Variants in ATP2A3 observed in about 807,000 individuals in gnomAD.
ATP2A3 encodes ATPase sarcoplasmic/endoplasmic reticulum Ca2+ transporting 3, also known as sarcoplasmic/endoplasmic reticulum calcium ATPase 3.
Under a neutral mutation model 106.8 loss-of-function variants are expected in ATP2A3, and 61 were observed. That is an observed-to-expected ratio of 0.57 (90% CI 0.46 to 0.71). The LOEUF (loss-of-function observed/expected upper bound fraction) is 0.71, where lower values mean the gene tolerates loss of function less well. ATP2A3 is among the 30% of genes least tolerant of loss of function. ATP2A3 has a pLI of 0.00. For synonymous variants in ATP2A3, 611 were observed against 609.3 expected, an observed-to-expected ratio of 1.00 and a Z score of -0.04; for missense variants, 1,201 against 1,423.5, an observed-to-expected ratio of 0.84 and a Z score of 2.52.
Position 3,955,614 on chromosome 17 carries a change from C to T in ATP2A3, c.119-1904G>A, listed in dbSNP as rs1169342560. On this transcript the variant is annotated intron_variant, in intron 1 of 20. Transcript: ENST00000397041. The surrounding 1 kb of genome is among the most constrained non-coding windows in gnomAD (Gnocchi z 4.2). ...ATTCTCCAATGGAGCAGTGTGCTTT[C>T]GAGGTCACCCCAGCCATGCCCCAGC... Among the ~76,000 whole-genome samples the T allele has an allele frequency of 1.3e-5, 2 of 152,178 alleles. No homozygotes were observed. The highest frequency in any genetic ancestry group is 2.4e-5 in the African/African-American group (1 of 41,444).
At chr17:3,959,328 T>TGACCAGTTGTCAGTATTAGG (rs2055005921) in intron 1 of ATP2A3, among the ~76,000 whole-genome samples, 1 of 152,336 alleles carries the variant, frequency 6.6e-6, no homozygotes, top group Admixed American at 6.5e-5. Context: ...TGCCCTTCTC[T>TGACCAGTTGTCAGTATTAGG]GACCAGTTGT....
intron 9 of ATP2A3, 27 bp from the exon 10 acceptor site, chr17:3,944,833 G>A: frequency 1.9e-6 from 3 of 1,589,774 alleles, no homozygotes; most frequent in Non-Finnish European, 2.6e-6. Flanking sequence ...GTCACCAGGA[G>A]GACCTCGGCT....
rs2053739486 is a variant in ATP2A3, at chr17:3,941,087, T to TGAGGTCATCAAACTCGCGGCC, written c.1963_1983dup (p.Gly655_Leu661dup). On this transcript the variant is annotated inframe_insertion, in exon 14 of 21. Transcript: ENST00000397041. The stretch of plus-strand genomic sequence containing the variant: ...CAGGCCTGGCGCTGCTGCTCGGGGC[T>TGAGGTCATCAAACTCGCGGCC]GAGGTCATCAAACTCGCGGCCCGTG... 6.2e-7 allele frequency: 1 copy of TGAGGTCATCAAACTCGCGGCC among 1,613,778 alleles called. No homozygotes were observed. Among genetic ancestry groups the TGAGGTCATCAAACTCGCGGCC allele is most frequent in the African/African-American group, 1.3e-5 (1 of 74,932 alleles).
At position 3,940,031 on chromosome 17, in the gene ATP2A3, C is replaced by CTTTTTTTTTTTTTTTTTTTTTTTT. The variant is rs1174008086; in HGVS notation, c.2100+939_2100+940insAAAAAAAAAAAAAAAAAAAAAAAA. ...ATGGGTTGATGGTAATGTGTCATAT[C>CTTTTTTTTTTTTTTTTTTTTTTTT]TTTTTTTTTTTGTTTTTTGTTTTTT... On this transcript the variant is annotated intron_variant, in intron 14 of 20. Transcript: ENST00000397041. Among the ~76,000 whole-genome samples the CTTTTTTTTTTTTTTTTTTTTTTTT allele has an allele frequency of 2.1e-5, 2 of 96,546 alleles. 1 individual carries two copies. The highest frequency in any genetic ancestry group is 9.5e-5 in the African/African-American group (2 of 21,126). 63.3% of individuals were successfully genotyped at this position (96,546 alleles called of 152,430 possible).
Position 3,928,813 on chromosome 17 carries a change from G to C in ATP2A3, c.2863-33C>G. The C allele has an allele frequency of 6.6e-7, 1 of 1,513,814 alleles. No homozygotes were observed. The highest frequency in any genetic ancestry group is 9.0e-7 in the Non-Finnish European group (1 of 1,113,392). The allele number at this position is 1,513,814 out of a possible 1,614,324, so 93.8% of individuals were successfully genotyped here. A position where few individuals can be genotyped will look rare whatever the true frequency, so the allele number is the denominator to read the frequency against. ...GGAGGGGAAGGGAGGTTTGGTTAAA[G>C]GAAGGACTGGCTGTCCCGTGCCCCA... is the stretch of plus-strand genomic sequence containing the variant. On this transcript the variant is annotated intron_variant, in intron 19 of 20. Transcript: ENST00000397041. This position sits in a 1 kb window ranked among gnomAD's most constrained non-coding sequence, Gnocchi z 6.1.
intron 1 of ATP2A3, among the ~76,000 whole-genome samples, chr17:3,960,639 A>G (rs1237472081): frequency 6.6e-6 from 1 of 152,206 alleles, no homozygotes; most frequent in African/African-American, 2.4e-5. Context: ...ATATGAAAAG[A>G]CACCCAATGT....
At chr17:3,951,525 A>G in intron 4 of ATP2A3, 56 bp downstream of exon 4, 1 of 1,554,538 alleles carries the variant, frequency 6.4e-7, no homozygotes, top group Non-Finnish European at 8.7e-7. Context: ...GGTGGAGGGC[A>G]CTCCTAGTGG....
At chr17:3,935,064 G>A (rs1337414675) in intron 17 of ATP2A3, 128 bp downstream of exon 17, 2 of 1,004,992 alleles carry the variant, frequency 2.0e-6, no homozygotes, top group East Asian at 5.1e-5. Flanking sequence ...AGGTGGGGAT[G>A]TTTATTCGTG....
intron 7 of ATP2A3, among the ~76,000 whole-genome samples, chr17:3,949,849 G>A (rs999864221): frequency 1.3e-5 from 2 of 152,068 alleles, no homozygotes; most frequent in Non-Finnish European, 2.9e-5. Context: ...GTTCTTCCCC[G>A]TAGGACTTTA....
In ATP2A3 at chr17:3,953,785, T is replaced by G. The variant is rs1372829502; in HGVS notation, c.119-75A>C. On this transcript the variant is annotated intron_variant, in intron 1 of 20. Transcript: ENST00000397041. The surrounding 1 kb of genome is among the most constrained non-coding windows in gnomAD (Gnocchi z 5.1). ...GGGTCACGCAGGGGCCTCGGGGGAG[T>G]CTGGCAGTGCCTCCCCACCGTGCCC... 4.7e-6 allele frequency: 7 copies of G among 1,497,208 alleles called. No homozygotes were observed. The highest frequency in any genetic ancestry group is 6.4e-6 in the Non-Finnish European group (7 of 1,098,746). The allele number at this position is 1,497,208 out of a possible 1,614,324, so 92.7% of individuals were successfully genotyped here.
intron 16 of ATP2A3, 35 bp from the exon 17 acceptor site, chr17:3,935,312 G>A (rs762671524): frequency 6.3e-7 from 1 of 1,594,400 alleles, no homozygotes; most frequent in South Asian, 1.1e-5. Context: ...TGTAGAGAAT[G>A]GCGGTGGTTT....
At chr17:3,931,927 T>A (rs964424555) in intron 17 of ATP2A3, among the ~76,000 whole-genome samples, 4 of 152,326 alleles carry the variant, frequency 2.6e-5, no homozygotes, top group East Asian at 1.9e-4. Flanking sequence ...GTCGCATAAA[T>A]ACATCCGTTT....
At chr17:3,962,168 C>T (rs1039352744) in intron 1 of ATP2A3, among the ~76,000 whole-genome samples, 1 of 152,186 alleles carries the variant, frequency 6.6e-6, no homozygotes, top group Non-Finnish European at 1.5e-5. Flanking sequence ...ACGCCCACAC[C>T]AGGGTTCTGC....
rs770517233 is a variant in ATP2A3, at chr17:3,937,566, G to A, written c.2171C>T (p.Thr724Met). The A allele has an allele frequency of 1.7e-5, 28 of 1,613,988 alleles. No homozygotes were observed. The highest frequency in any genetic ancestry group is 2.0e-5 in the Non-Finnish European group (24 of 1,180,036). The change falls in exon 15 of 21, where the codon ACG becomes ATG. Residue 724 changes from threonine to methionine, a missense_variant. By Grantham distance (81) the Thr-to-Met change is moderately conservative. Around this residue, in one of 2 missense-constraint regions of ATP2A3, gnomAD observed 935 missense variants for 1,176.7 expected, o/e 0.79. Coordinates refer to ENST00000397041, the MANE Select transcript of ATP2A3 (RefSeq NM_005173.4). ...CTCTGCCGCCGACTTGGCCACGGCC[G>A]TGCCTGAGCCCATGGCGATGCCGAT... is the stretch of plus-strand genomic sequence containing the variant. The part of the protein sequence containing the change: ...AEIGIAMGSG[T>M]AVAKSAAEMV...
intron 14 of ATP2A3, among the ~76,000 whole-genome samples, chr17:3,939,329 G>T (rs558401410): frequency 1.3e-5 from 2 of 152,256 alleles, no homozygotes; most frequent in African/African-American, 4.8e-5. Flanking sequence ...GACTGGGTTA[G>T]GCTGGAGGTC....
intron 14 of ATP2A3, among the ~76,000 whole-genome samples, chr17:3,940,733 C>G (rs557012652): frequency 9.9e-5 from 15 of 152,152 alleles, no homozygotes; most frequent in Admixed American, 2.6e-4. Flanking sequence ...GTCTCGAACT[C>G]CTGACCTCAA....
Position 3,951,696 on chromosome 17 carries a change from A to C in ATP2A3, c.220-11T>G, listed in dbSNP as rs2054455289. ...GAACCAGGCCAGGACCTGCAGGATC[A>C]CAGCTGGTGAGCTCAGGCCCTGCTG... On this transcript the variant is annotated splice_polypyrimidine_tract_variant and intron_variant, in intron 3 of 20. Transcript: ENST00000397041. 1 of 1,602,442 alleles carries C rather than the reference A, an allele frequency of 6.2e-7. No individual in the cohort carries two copies. The highest frequency in any genetic ancestry group is 2.2e-5 in the East Asian group (1 of 44,514).
intron 17 of ATP2A3, among the ~76,000 whole-genome samples, chr17:3,934,162 G>A (rs1176316954): frequency 6.6e-6 from 1 of 152,026 alleles, no homozygotes; most frequent in Admixed American, 6.5e-5. Flanking sequence ...GACCTCAAGT[G>A]ATCCGCCCAC....
At position 3,936,595 on chromosome 17, in the gene ATP2A3, C is replaced by T. The variant is rs1169802661; in HGVS notation, c.2322-126G>A. 1.0e-6 allele frequency: 1 copy of T among 995,692 alleles called. No homozygotes were observed. The highest frequency in any genetic ancestry group is 1.6e-6 in the Non-Finnish European group (1 of 641,650). 61.7% of individuals were successfully genotyped at this position (995,692 alleles called of 1,614,324 possible). ...CTGTCTCCACAGCAGCCCCTCCTCC[C>T]TCCGCCAGCTGTGATGTGAAGGGTG... On this transcript the variant is annotated intron_variant, in intron 15 of 20. Coordinates refer to ENST00000397041, the MANE Select transcript of ATP2A3 (RefSeq NM_005173.4). This position sits in a 1 kb window ranked among gnomAD's most constrained non-coding sequence, Gnocchi z 5.4.
Sources: allele counts gnomAD v4.1 joint callset (sites outside exome capture counted in the v4.1 genomes callset), GRCh38; gene constraint gnomAD v4.1.1; regional missense constraint gnomAD v4.1.1; non-coding constraint Gnocchi (gnomAD v3.1); transcripts MANE v1.5; gene names NCBI Gene and HGNC (gene_info 2026-07-23, HGNC 2026-07-21).